Variants in BCAP31 observed in about 807,000 individuals in gnomAD.
BCAP31 encodes B-cell receptor-associated protein 31.
For synonymous variants in BCAP31, 75 were observed against 80.9 expected, an observed-to-expected ratio of 0.93 and a Z score of 0.39; for missense variants, 124 against 193.0, an observed-to-expected ratio of 0.64 and a Z score of 2.12.
At chrX:153,714,727 T>C (rs906439347) in intron 4 of BCAP31, among the ~76,000 whole-genome samples, 1 of 111,030 alleles carries the variant, frequency 9.0e-6, no homozygotes, top group Non-Finnish European at 1.9e-5. Context: ...ATGGTCTGAG[T>C]GCCCTTCAAA....
intron 5 of BCAP31, among the ~76,000 whole-genome samples, chrX:153,703,377 G>A (rs1193547017): frequency 1.8e-5 from 2 of 113,279 alleles, no homozygotes; most frequent in Non-Finnish European, 3.8e-5. Context: ...GCTCCATGGT[G>A]CTCACCAACC....
intron 6 of BCAP31, chrX:153,702,376 G>A (rs1288016748): frequency 3.5e-6 from 1 of 288,816 alleles, no homozygotes; most frequent in Non-Finnish European, 6.1e-6. Context: ...GTGGCTCTCG[G>A]CAAGGGTAAC....
chrX:153,723,563 C>T (rs1408575906), intron 1 of BCAP31: 1 of 1,167,420 alleles, frequency 8.6e-7, no homozygotes, highest in African/African-American at 1.8e-5. Context: ...CCGACGATCC[C>T]TGCCCCAGGA....
chrX:153,718,319 A>G (rs1431785247), intron 3 of BCAP31, among the ~76,000 whole-genome samples: 1 of 95,387 alleles, frequency 1.0e-5, no homozygotes, highest in Non-Finnish European at 2.0e-5. Context: ...TTCCATCTCA[A>G]AAAAAAAAAA....
chrX:153,711,075 T>C (rs782319882), intron 4 of BCAP31, among the ~76,000 whole-genome samples: 218 of 112,036 alleles, frequency 1.9e-3, no homozygotes, highest in African/African-American at 6.7e-3. Flanking sequence ...CCCCCAGGCC[T>C]GGCCAGAAGT....
chrX:153,720,749 G>A (rs1270886799), intron 3 of BCAP31, 123 bp downstream of exon 3: 2 of 570,691 alleles, frequency 3.5e-6, no homozygotes, highest in Non-Finnish European at 5.7e-6. Context: ...GAAAGACACA[G>A]CATTTCATTG....
chrX:153,700,917 G>T lies in BCAP31; in HGVS notation c.*20C>A. ...CGTGCCAGGTGGAAGCCAGCTGCAG[G>T]CAGGGGAGGAAGGAGGCCCTTACTC... On this transcript the variant is annotated 3_prime_UTR_variant, in exon 8 of 8. Transcript: ENST00000345046. 1.7e-6 allele frequency: 2 copies of T among 1,200,641 alleles called. No homozygotes were observed. Among genetic ancestry groups the T allele is most frequent in the Non-Finnish European group, 2.2e-6 (2 of 889,787 alleles).
chrX:153,706,612 G>A lies in BCAP31; in HGVS notation c.342-2518C>T, dbSNP rs1314775607. On this transcript the variant is annotated intron_variant, in intron 4 of 7. Transcript: ENST00000345046. ...CTCCCAGCCACTCTTATCCCCGAAA[G>A]GGTTTTCTCTGTGGCCCAGACTCAT... 5.3e-5 allele frequency among the ~76,000 whole-genome samples: 6 copies of A among 112,830 alleles called. No individual in the cohort carries two copies. In the East Asian group the frequency reaches 1.7e-3, roughly 32 times the overall value.
intron 4 of BCAP31, among the ~76,000 whole-genome samples, chrX:153,705,789 G>A (rs1206767654): frequency 4.5e-5 from 5 of 111,988 alleles, no homozygotes; most frequent in African/African-American, 1.3e-4. Context: ...CTGGAATTGA[G>A]GGGTGGGGGT....
intron 2 of BCAP31, 93 bp downstream of exon 2, chrX:153,723,060 A>T: frequency 9.2e-7 from 1 of 1,082,037 alleles, no homozygotes; most frequent in Non-Finnish European, 1.2e-6. Context: ...ATCGGGTCCC[A>T]ATTCCAGGGT....
At chrX:153,721,340 G>A (rs970837579) in intron 2 of BCAP31, among the ~76,000 whole-genome samples, 8 of 106,944 alleles carry the variant, frequency 7.5e-5, no homozygotes, top group Non-Finnish European at 1.4e-4. Context: ...GGAGGGTGAG[G>A]CAGGAGAATC....
chrX:153,704,254 G>A (rs1410080357), intron 4 of BCAP31, among the ~76,000 whole-genome samples, 160 bp from the exon 5 acceptor site: 2 of 112,428 alleles, frequency 1.8e-5, no homozygotes, highest in East Asian at 2.8e-4. Flanking sequence ...TGCTGGCAGC[G>A]TGAGGGAAAA....
rs1168416003 is a variant in BCAP31 at position 153,723,284 on chromosome X, G to T, written c.-40C>A. 1.7e-6 allele frequency: 2 copies of T among 1,195,613 alleles called. No individual in the cohort carries two copies. The highest frequency in any genetic ancestry group is 1.8e-5 in the African/African-American group (1 of 57,049). ...GTTTCCCACAGGAAGATGTGAGCTT[G>T]TTTCCTGGCAGGGCACAAAAGGTAC... is the stretch of plus-strand genomic sequence containing the variant. On this transcript the variant is annotated 5_prime_UTR_variant, in exon 2 of 8. Transcript: ENST00000345046.
chrX:153,723,827 C>T, intron 1 of BCAP31: 1 of 711,753 alleles, frequency 1.4e-6, no homozygotes, highest in Non-Finnish European at 2.1e-6. Context: ...GAAACCGGCA[C>T]CTCCCTCGAG....
chrX:153,707,221 C>CA (rs2091560726), intron 4 of BCAP31, among the ~76,000 whole-genome samples: 1 of 111,116 alleles, frequency 9.0e-6, no homozygotes, highest in African/African-American at 3.3e-5. Flanking sequence ...GTAACTACCT[C>CA]ATTCTCTGTT....
intron 4 of BCAP31, among the ~76,000 whole-genome samples, chrX:153,713,138 C>G (rs1241016688): frequency 9.0e-6 from 1 of 111,048 alleles, no homozygotes. Context: ...ACCCGGGAGA[C>G]AGAGCTTGCA....
intron 3 of BCAP31, among the ~76,000 whole-genome samples, chrX:153,717,807 G>A (rs1225608213): frequency 1.8e-5 from 2 of 112,246 alleles, no homozygotes; most frequent in African/African-American, 3.2e-5. Context: ...ACCACGAAGC[G>A]AGTACTCTCA....
At chrX:153,723,131 C>T in intron 2 of BCAP31, 22 bp downstream of exon 2, 1 of 1,207,208 alleles carries the variant, frequency 8.3e-7, no homozygotes, top group Non-Finnish European at 1.1e-6. Flanking sequence ...CCTAACTCGC[C>T]TGCTTGCTCC....
chrX:153,723,487 T>A lies in BCAP31; in HGVS notation c.-44-199A>T. 3 of 1,152,749 alleles carry A rather than the reference T, an allele frequency of 2.6e-6. No homozygotes were observed. In the South Asian group the frequency reaches 5.8e-5, roughly 22 times the overall value. 95.0% of individuals were successfully genotyped at this position (1,152,749 alleles called of 1,213,427 possible). ...AGCAGCGTTCACAGGCCCCACAAACTTCCGTTCGCTGGTCAATTACCTGCC... is the reference window on the plus strand; with the variant it reads ...AGCAGCGTTCACAGGCCCCACAAACATCCGTTCGCTGGTCAATTACCTGCC... On this transcript the variant is annotated intron_variant, in intron 1 of 7. Coordinates refer to ENST00000345046, the MANE Select transcript of BCAP31 (RefSeq NM_001256447.2).
Sources: allele counts gnomAD v4.1 joint callset (sites outside exome capture counted in the v4.1 genomes callset), GRCh38; gene constraint gnomAD v4.1.1; transcripts MANE v1.5; gene names NCBI Gene and HGNC (gene_info 2026-07-23, HGNC 2026-07-21).